Variants in RAP1GDS1 observed in about 807,000 individuals in gnomAD.
The protein encoded by RAP1GDS1 is Rap1 GTPase-GDP dissociation stimulator 1, also known as RAP1, GTP-GDP dissociation stimulator 1.
RAP1GDS1 carries 35 observed loss-of-function variants against 71.1 expected under a neutral mutation model. The observed-to-expected ratio is 0.49, with a 90% CI of 0.38 to 0.65. The LOEUF (loss-of-function observed/expected upper bound fraction) is 0.65, where lower values mean the gene tolerates loss of function less well. Among genes scored for constraint, RAP1GDS1 ranks in the 30% least tolerant of loss-of-function variants. RAP1GDS1 has a pLI of 0.00. For synonymous variants in RAP1GDS1, 229 were observed against 243.1 expected (o/e 0.94, Z 0.54); for missense variants, 663 against 706.1 (o/e 0.94, Z 0.69).
At chr4:98,393,398 T>C (rs1208168068) in intron 6 of RAP1GDS1, among the ~76,000 whole-genome samples, 1 of 152,208 alleles carries the variant, frequency 6.6e-6, no homozygotes, top group Non-Finnish European at 1.5e-5. Context: ...ACACATTTTT[T>C]CTGTCATTCA....
intron 1 of RAP1GDS1, among the ~76,000 whole-genome samples, chr4:98,279,620 A>C (rs1416161638): frequency 1.3e-5 from 2 of 152,004 alleles, no homozygotes; most frequent in East Asian, 3.9e-4. Flanking sequence ...CTGAACTTTA[A>C]GTTCTGTACT....
At position 98,379,002 on chromosome 4, in the gene RAP1GDS1, C is replaced by CTCTT; in HGVS notation, c.362-13_362-10dup. 6.4e-7 allele frequency: 1 copy of CTCTT among 1,553,576 alleles called. No homozygotes were observed. Among genetic ancestry groups the CTCTT allele is most frequent in the Non-Finnish European group, 8.7e-7 (1 of 1,150,762 alleles). On this transcript the variant is annotated splice_polypyrimidine_tract_variant and intron_variant, in intron 4 of 14. Coordinates refer to ENST00000408927, the MANE Select transcript of RAP1GDS1 (RefSeq NM_001100427.2). ...CTTTTTTCTTTTATTTTTAATTTAACTCTTTGTTTTACAGATGAGGGCAGA... is the reference window on the plus strand; with the variant it reads ...CTTTTTTCTTTTATTTTTAATTTAACTCTTTCTTTGTTTTACAGATGAGGGCAGA...
At chr4:98,380,568 C>G (rs1010243524) in intron 5 of RAP1GDS1, among the ~76,000 whole-genome samples, 2 of 151,648 alleles carry the variant, frequency 1.3e-5, no homozygotes, top group African/African-American at 4.8e-5. Flanking sequence ...TTTTGAAGAA[C>G]AAATGCCCTA....
At chr4:98,417,072 A>C (rs368587454) in intron 8 of RAP1GDS1, among the ~76,000 whole-genome samples, 184 bp downstream of exon 8, 2 of 152,326 alleles carry the variant, frequency 1.3e-5, no homozygotes, top group African/African-American at 4.8e-5. Flanking sequence ...CTGAAAAAGA[A>C]GTGTCTTCAC....
chr4:98,378,008 CAG>C (rs944772573), intron 4 of RAP1GDS1, among the ~76,000 whole-genome samples: 4 of 151,760 alleles, frequency 2.6e-5, no homozygotes, highest in Non-Finnish European at 4.4e-5. Context: ...ATTTGCATAT[CAG>C]AGTGATATAT....
rs1011662976 is a variant in RAP1GDS1 at position 98,378,897 on chromosome 4, G to T, written c.362-120G>T. On this transcript the variant is annotated intron_variant, in intron 4 of 14. Transcript: ENST00000408927. ...TCTGAAAAGACATATTTAATGTCCT[G>T]CCTAGGTTTATTTTCTATTTATTCA... The T allele has an allele frequency of 8.4e-6, 8 of 947,834 alleles. No homozygotes were observed. The highest frequency in any genetic ancestry group is 2.0e-5 in the South Asian group (1 of 49,682). The allele number at this position is 947,834 out of a possible 1,614,324, so 58.7% of individuals were successfully genotyped here.
intron 14 of RAP1GDS1, chr4:98,441,413 A>T: frequency 1.0e-6 from 1 of 985,022 alleles, no homozygotes; most frequent in Non-Finnish European, 1.2e-6. Context: ...ATGAAGTATA[A>T]ACTTTTCTTT....
chr4:98,412,954 A>T (rs770141754), intron 7 of RAP1GDS1, among the ~76,000 whole-genome samples: 3 of 152,122 alleles, frequency 2.0e-5, no homozygotes, highest in African/African-American at 4.8e-5. Flanking sequence ...CAAAATTAGA[A>T]TTACTGATGA....
At chr4:98,293,385 GA>G (rs1364879595) in intron 1 of RAP1GDS1, 22 bp from the exon 2 acceptor site, 2 of 1,466,334 alleles carry the variant, frequency 1.4e-6, no homozygotes, top group Non-Finnish European at 1.9e-6. Flanking sequence ...TTGAGTTTCT[GA>G]TTTTTTTTTT....
intron 4 of RAP1GDS1, among the ~76,000 whole-genome samples, chr4:98,376,711 T>C (rs762637164): frequency 1.3e-5 from 2 of 152,058 alleles, no homozygotes. Context: ...ATCACTATTA[T>C]TGTAATACAT....
Position 98,343,464 on chromosome 4 carries a change from C to G in RAP1GDS1, c.235+203C>G, listed in dbSNP as rs578135291. ...TACCTGTCCCATCTGATAACCCATTCCTTCTCAGTAGAATTATGGGAAAGC... is the reference window on the plus strand; with the variant it reads ...TACCTGTCCCATCTGATAACCCATTGCTTCTCAGTAGAATTATGGGAAAGC... On this transcript the variant is annotated intron_variant, in intron 3 of 14. Transcript: ENST00000408927. The G allele has an allele frequency of 1.9e-4, 109 of 581,800 alleles. No homozygotes were observed. The African/African-American group carries it at 1.9e-3, about 10-fold the overall frequency. 36.0% of individuals were successfully genotyped at this position (581,800 alleles called of 1,614,324 possible). A position where few individuals can be genotyped will look rare whatever the true frequency, so the allele number is the denominator to read the frequency against.
intron 3 of RAP1GDS1, among the ~76,000 whole-genome samples, chr4:98,352,043 G>C (rs1193916447): frequency 6.6e-6 from 1 of 150,636 alleles, no homozygotes; most frequent in African/African-American, 2.4e-5. Flanking sequence ...GGCTTTTTTA[G>C]AAAACAAAGT....
chr4:98,350,162 A>G (rs1012440142), intron 3 of RAP1GDS1, among the ~76,000 whole-genome samples: 7 of 152,224 alleles, frequency 4.6e-5, no homozygotes, highest in African/African-American at 1.7e-4. Flanking sequence ...AAAGATTGGT[A>G]TCATATAGGC....
At chr4:98,363,826 A>T (rs1437283090) in intron 4 of RAP1GDS1, among the ~76,000 whole-genome samples, 1 of 152,186 alleles carries the variant, frequency 6.6e-6, no homozygotes, top group Non-Finnish European at 1.5e-5. Context: ...TTGTCCAGTC[A>T]CAACATAATG....
intron 5 of RAP1GDS1, chr4:98,379,411 A>G (rs952756867): frequency 2.1e-5 from 7 of 328,890 alleles, no homozygotes; most frequent in African/African-American, 1.1e-4. Context: ...CCACAGCCCT[A>G]TAGTATGATT....
rs1751955658 is a variant in RAP1GDS1 at position 98,442,095 on chromosome 4, A to G, written c.1802A>G (p.Gln601Arg). The change falls in exon 15 of 15, where the codon CAG becomes CGG. Residue 601 changes from glutamine (Q) to arginine (R), a missense_variant. By Grantham distance (43) the Gln-to-Arg change is conservative. Coordinates refer to ENST00000408927, the MANE Select transcript of RAP1GDS1 (RefSeq NM_001100427.2). ...GCCCAGCAGGCCTCTCTCACAGAGC[A>G]GAGACTTACTGTGGAAAGCTGAGAA... ...SVAQQASLTE[Q>R]RLTVES 6.2e-7 allele frequency: 1 copy of G among 1,613,612 alleles called. No individual in the cohort carries two copies. Among genetic ancestry groups the G allele is most frequent in the Non-Finnish European group, 8.5e-7 (1 of 1,179,980 alleles).
chr4:98,300,402 C>CTT (rs59924491), intron 2 of RAP1GDS1, among the ~76,000 whole-genome samples: 6 of 144,484 alleles, frequency 4.2e-5, no homozygotes, highest in Admixed American at 7.0e-5. Flanking sequence ...GTAGACAGAA[C>CTT]TTTTTTTTTT....
chr4:98,366,221 A>T (rs1739463549), intron 4 of RAP1GDS1, among the ~76,000 whole-genome samples: 1 of 152,048 alleles, frequency 6.6e-6, no homozygotes. Flanking sequence ...TATTTTCGTG[A>T]TAGTAAGTCT....
At chr4:98,269,173 C>CAAAAAAAAAAA (rs56015226) in intron 1 of RAP1GDS1, among the ~76,000 whole-genome samples, 1 of 56,882 alleles carries the variant, frequency 1.8e-5, no homozygotes, top group African/African-American at 6.8e-5. Context: ...AATTGATCTT[C>CAAAAAAAAAAA]AAAAAAAAAA....
Sources: gnomAD v4.1 joint callset for allele counts (sites outside exome capture counted in the v4.1 genomes callset) on GRCh38, gnomAD v4.1.1 for gene constraint, MANE v1.5 for transcripts, NCBI Gene and HGNC (gene_info 2026-07-23, HGNC 2026-07-21) for gene names.